SLCO1A2: variants seen among roughly 807,000 people sequenced by gnomAD.
The protein encoded by SLCO1A2 is OATP-1.
A neutral mutation model predicts 69.0 loss-of-function variants in SLCO1A2; 67 were observed. The observed-to-expected ratio is 0.97, with a 90% CI of 0.80 to 1.19. The LOEUF is 1.19. Ranked by LOEUF, SLCO1A2 falls within the 50% of genes most tolerant of loss-of-function variation. SLCO1A2 has a pLI of 0.00. For synonymous variants in SLCO1A2, 260 were observed against 265.9 expected, an observed-to-expected ratio of 0.98 and a Z score of 0.22; for missense variants, 787 against 793.7, an observed-to-expected ratio of 0.99 and a Z score of 0.10.
chr12:21,411,331 T>A (rs1941903577), intron 1 of SLCO1A2, among the ~76,000 whole-genome samples: 1 of 152,206 alleles, frequency 6.6e-6, no homozygotes, highest in Non-Finnish European at 1.5e-5. Flanking sequence ...TTCAATATTA[T>A]CTTTTTCCAT....
chr12:21,370,991 T>A (rs1342374922), intron 2 of SLCO1A2, among the ~76,000 whole-genome samples: 1 of 152,222 alleles, frequency 6.6e-6, no homozygotes, highest in Non-Finnish European at 1.5e-5. Flanking sequence ...CTCTGGCATT[T>A]ATAACTCTGT....
upstream of SLCO1A2, among the ~76,000 whole-genome samples, chr12:21,339,719 G>C (rs1953005907): frequency 1.3e-5 from 2 of 151,882 alleles, no homozygotes; most frequent in South Asian, 4.2e-4. Context: ...CTGACATGCA[G>C]GAAGCTGTGA....
chr12:21,304,857 A>T (rs1949159939), intron 5 of SLCO1A2, among the ~76,000 whole-genome samples: 1 of 152,170 alleles, frequency 6.6e-6, no homozygotes, highest in South Asian at 2.1e-4. Context: ...GTGACACCTC[A>T]TTGGTAGTTT....
chr12:21,377,918 C>A (rs1212366183), intron 1 of SLCO1A2, among the ~76,000 whole-genome samples: 1 of 151,990 alleles, frequency 6.6e-6, no homozygotes, highest in Non-Finnish European at 1.5e-5. Flanking sequence ...AAAATAAATT[C>A]TTCAAGATTT....
intron 2 of SLCO1A2, among the ~76,000 whole-genome samples, chr12:21,365,579 T>A (rs374916907): frequency 1.3e-5 from 2 of 152,104 alleles, no homozygotes; most frequent in South Asian, 4.2e-4. Context: ...CTTCTGCACA[T>A]CAAAAGAAAC....
intron 1 of SLCO1A2, among the ~76,000 whole-genome samples, chr12:21,408,930 G>C (rs766224341): frequency 6.6e-6 from 1 of 151,850 alleles, no homozygotes; most frequent in Admixed American, 6.7e-5. Context: ...TTTAAAGGCT[G>C]GTAGAATAAA....
At chr12:21,279,272 G>T (rs914502570) in intron 12 of SLCO1A2, among the ~76,000 whole-genome samples, 5 of 152,158 alleles carry the variant, frequency 3.3e-5, no homozygotes, top group Non-Finnish European at 7.3e-5. Flanking sequence ...GGTAGAGAAA[G>T]AGATAAGAGT....
chr12:21,300,140 T>C (rs1948519510), intron 8 of SLCO1A2, among the ~76,000 whole-genome samples: 1 of 151,650 alleles, frequency 6.6e-6, no homozygotes, highest in Admixed American at 6.6e-5. Context: ...CAAATGCTGA[T>C]CTGAAATATT....
At chr12:21,292,053 G>T in intron 12 of SLCO1A2, 111 bp downstream of exon 12, 1 of 660,406 alleles carries the variant, frequency 1.5e-6, no homozygotes, top group African/African-American at 1.8e-5. Context: ...TTAATAAATG[G>T]TACGTTAGAG....
At chr12:21,297,625 G>T (rs1947933957) in intron 8 of SLCO1A2, 57 bp from the exon 9 acceptor site, 3 of 1,207,312 alleles carry the variant, frequency 2.5e-6, no homozygotes, top group East Asian at 5.4e-5. Context: ...TTTTGTGACT[G>T]GCTTTTCCTG....
intron 2 of SLCO1A2, among the ~76,000 whole-genome samples, chr12:21,368,028 C>T (rs941295017): frequency 9.9e-5 from 15 of 152,036 alleles, no homozygotes; most frequent in African/African-American, 3.6e-4. Context: ...GGATTTCAGG[C>T]AATTATCAGC....
intron 2 of SLCO1A2, 131 bp downstream of exon 2, chr12:21,334,457 A>G: frequency 1.6e-6 from 1 of 640,396 alleles, no homozygotes; most frequent in Non-Finnish European, 2.6e-6. Flanking sequence ...AAAGCAAGAA[A>G]TTATCAATAG....
intron 1 of SLCO1A2, among the ~76,000 whole-genome samples, chr12:21,377,294 A>G (rs192551103): frequency 1.6e-4 from 24 of 152,314 alleles, no homozygotes; most frequent in Non-Finnish European, 3.4e-4. Context: ...ACACTGCAAT[A>G]GAGTACCTGA....
chr12:21,288,016 A>T lies in SLCO1A2; in HGVS notation c.1610+4148T>A, dbSNP rs914333137. 6.5e-4 allele frequency among the ~76,000 whole-genome samples: 98 copies of T among 151,380 alleles called. 1 individual carries two copies. Among genetic ancestry groups the T allele is most frequent in the African/African-American group, 2.2e-3 (91 of 41,338 alleles). ...CCCTAAAACTTAAAGTATAATAAAA[A>T]AAAAAAAAAAAAAAGAATGAGACCC... On this transcript the variant is annotated intron_variant, in intron 12 of 14. Coordinates refer to ENST00000683939, the MANE Select transcript of SLCO1A2 (RefSeq NM_001386879.1).
intron 12 of SLCO1A2, among the ~76,000 whole-genome samples, chr12:21,278,364 G>A (rs552471708): frequency 6.6e-6 from 1 of 152,146 alleles, no homozygotes; most frequent in East Asian, 1.9e-4. Flanking sequence ...ATTACCACTG[G>A]ATGATTGTAG....
At chr12:21,408,145 A>G (rs1353989674) in intron 1 of SLCO1A2, among the ~76,000 whole-genome samples, 1 of 152,180 alleles carries the variant, frequency 6.6e-6, no homozygotes, top group Non-Finnish European at 1.5e-5. Flanking sequence ...TTTTTACACA[A>G]AATAATGTTC....
intron 2 of SLCO1A2, among the ~76,000 whole-genome samples, chr12:21,342,396 C>T (rs915912256): frequency 6.6e-6 from 1 of 152,034 alleles, no homozygotes; most frequent in African/African-American, 2.4e-5. Flanking sequence ...CCATTTTAAA[C>T]TCCAACATTA....
chr12:21,378,291 G>A (rs921793087), intron 1 of SLCO1A2: 1 of 1,614,056 alleles, frequency 6.2e-7, no homozygotes, highest in Non-Finnish European at 8.5e-7. Flanking sequence ...CGCAGCGCCT[G>A]GCAAATTTTT....
intron 1 of SLCO1A2, among the ~76,000 whole-genome samples, chr12:21,392,337 T>C (rs1423714692): frequency 6.6e-6 from 1 of 152,196 alleles, no homozygotes; most frequent in Non-Finnish European, 1.5e-5. Context: ...GAAGCTCCTT[T>C]TCAAATGTAG....
Sources: allele counts gnomAD v4.1 joint callset (sites outside exome capture counted in the v4.1 genomes callset), GRCh38; gene constraint gnomAD v4.1.1; transcripts MANE v1.5; gene names NCBI Gene and HGNC (gene_info 2026-07-23, HGNC 2026-07-21).